ALMS1: variants seen among roughly 807,000 people sequenced by gnomAD.
ALMS1 encodes centrosome-associated protein ALMS1.
Under a neutral mutation model 352.2 loss-of-function variants are expected in ALMS1, and 271 were observed. The ratio of observed to expected loss-of-function variants is 0.77; its 90% CI spans 0.70 to 0.85. The LOEUF is 0.85. Among genes scored for constraint, ALMS1 ranks in the 40% least tolerant of loss-of-function variants. ALMS1 has a pLI of 0.00. For missense variants in ALMS1, 5,445 were observed against 4,870.7 expected (o/e 1.12, Z -3.51); for synonymous variants, 1,865 against 1,761.2 (o/e 1.06, Z -1.48).
At chr2:73,526,796 C>G (rs1476442466) in intron 11 of ALMS1, among the ~76,000 whole-genome samples, 1 of 152,144 alleles carries the variant, frequency 6.6e-6, no homozygotes, top group African/African-American at 2.4e-5. Context: ...GCTAGGACTT[C>G]CAGTGCTATG....
chr2:73,468,868 A>G (rs1419702816), intron 9 of ALMS1, among the ~76,000 whole-genome samples: 1 of 152,006 alleles, frequency 6.6e-6, no homozygotes, highest in African/African-American at 2.4e-5. Context: ...TACAAATTTT[A>G]TGTTCAGATA....
At chr2:73,433,464 T>C (rs1572920418) in intron 7 of ALMS1, among the ~76,000 whole-genome samples, 1 of 152,220 alleles carries the variant, frequency 6.6e-6, no homozygotes, top group East Asian at 1.9e-4. Context: ...AATAAGTTAC[T>C]GAGAGCACTA....
intron 9 of ALMS1, among the ~76,000 whole-genome samples, chr2:73,465,165 A>T (rs576331992): frequency 6.6e-6 from 1 of 152,308 alleles, no homozygotes; most frequent in South Asian, 2.1e-4. Context: ...ACCAAAAAAG[A>T]GCCTGCATCG....
At chr2:73,397,151 C>T (rs987299685) in intron 1 of ALMS1, among the ~76,000 whole-genome samples, 6 of 152,116 alleles carry the variant, frequency 3.9e-5, no homozygotes, top group Non-Finnish European at 7.3e-5. Flanking sequence ...GGTTTCCCTG[C>T]GGCTTTTAAT....
At chr2:73,584,335 A>G (rs1013599543) in intron 16 of ALMS1, among the ~76,000 whole-genome samples, 2 of 152,190 alleles carry the variant, frequency 1.3e-5, no homozygotes, top group Admixed American at 1.3e-4. Context: ...TAAGATCATG[A>G]GTTATTTTAC....
chr2:73,587,118 A>G (rs1194258722), intron 16 of ALMS1, among the ~76,000 whole-genome samples: 1 of 152,146 alleles, frequency 6.6e-6, no homozygotes, highest in Non-Finnish European at 1.5e-5. Context: ...ATTTGTGTAC[A>G]TTGATTTTGT....
chr2:73,455,191 G>A lies in ALMS1; in HGVS notation c.7570G>A (p.Asp2524Asn). The A allele has an allele frequency of 6.2e-7, 1 of 1,613,294 alleles. No homozygotes were observed. The highest frequency in any genetic ancestry group is 2.2e-5 in the East Asian group (1 of 44,870). ...GAATATGAAGTTCAATTTAGCACATGATTGTGGATACTCCATTTCAGAATT... is the reference window on the plus strand; with the variant it reads ...GAATATGAAGTTCAATTTAGCACATAATTGTGGATACTCCATTTCAGAATT... Reference protein sequence around the residue: ...AWNMKFNLAHDCGYSISELNE... With the variant: ...AWNMKFNLAHNCGYSISELNE... The change falls in exon 9 of 23, where the codon GAT (aspartate) becomes AAT (asparagine). Residue 2524 changes from aspartate (D) to asparagine (N), a missense_variant. Physicochemically the swap from Asp to Asn is conservative, Grantham distance 23. Coordinates refer to ENST00000613296, the MANE Select transcript of ALMS1 (RefSeq NM_001378454.1).
rs748833907 is a variant in ALMS1 at position 73,453,302 on chromosome 2, C to G, written c.6775C>G (p.Leu2259Val). 8 of 1,613,932 alleles carry G rather than the reference C, an allele frequency of 5.0e-6. No individual in the cohort carries two copies. The highest frequency in any genetic ancestry group is 5.1e-6 in the Non-Finnish European group (6 of 1,179,964). The change falls in exon 8 of 23, where the codon CTT becomes GTT. Residue 2259 changes from leucine to valine, a missense_variant. By Grantham distance (32) the Leu-to-Val change is conservative. Transcript: ENST00000613296. ...IQDAENSAKT[L>V]KEIRTLLMEA... ...GGATGCAGAAAATAGTGCTAAAACT[C>G]TTAAGGAAATTCGGACACTTTTGAT...
At chr2:73,429,480 A>G (rs1366689910) in intron 6 of ALMS1, among the ~76,000 whole-genome samples, 2 of 151,750 alleles carry the variant, frequency 1.3e-5, no homozygotes, top group South Asian at 2.1e-4. Flanking sequence ...ACGGGGTTTC[A>G]CCATGTTGGA....
At chr2:73,437,270 C>T (rs997216965) in intron 7 of ALMS1, among the ~76,000 whole-genome samples, 2 of 152,156 alleles carry the variant, frequency 1.3e-5, no homozygotes, top group African/African-American at 4.8e-5. Flanking sequence ...CATTGGTCTA[C>T]TTCTCTTGGA....
intron 9 of ALMS1, chr2:73,459,434 C>A (rs1467068841): frequency 6.6e-6 from 1 of 151,814 alleles, no homozygotes; most frequent in Non-Finnish European, 1.5e-5. Flanking sequence ...TTTATACTTG[C>A]CTGAATAATT....
chr2:73,493,528 G>A (rs1420821971), intron 10 of ALMS1, among the ~76,000 whole-genome samples: 2 of 152,062 alleles, frequency 1.3e-5, no homozygotes, highest in Non-Finnish European at 2.9e-5. Context: ...TTTGAGACCA[G>A]CATGATCAAC....
At chr2:73,445,434 C>G (rs764580385) in intron 7 of ALMS1, among the ~76,000 whole-genome samples, 20 of 152,128 alleles carry the variant, frequency 1.3e-4, no homozygotes, top group Non-Finnish European at 2.6e-4. Flanking sequence ...TTAGAGGGCT[C>G]AAAATGAGAG....
At chr2:73,506,547 CAA>C (rs1166673770) in intron 10 of ALMS1, among the ~76,000 whole-genome samples, 2 of 152,118 alleles carry the variant, frequency 1.3e-5, no homozygotes, top group African/African-American at 4.8e-5. Flanking sequence ...CTCTTTGTAG[CAA>C]TTGTGAATGG....
At chr2:73,461,505 A>G (rs1672201366) in intron 9 of ALMS1, among the ~76,000 whole-genome samples, 1 of 152,228 alleles carries the variant, frequency 6.6e-6, no homozygotes, top group South Asian at 2.1e-4. Context: ...AAAGATGCAG[A>G]AAAAACAGAG....
intron 15 of ALMS1, among the ~76,000 whole-genome samples, chr2:73,570,120 A>G (rs1366129045): frequency 6.6e-6 from 1 of 152,212 alleles, no homozygotes; most frequent in East Asian, 1.9e-4. Context: ...ACTATCAAGA[A>G]TAACTCCCAG....
chr2:73,590,158 A>G lies in ALMS1; in HGVS notation c.11548-9243A>G, dbSNP rs139150096. ...AATTTACAGTGCTTTCAACCAGAATACATTCGTTTGTTCATTCATCCAAAC... is the reference window on the plus strand; with the variant it reads ...AATTTACAGTGCTTTCAACCAGAATGCATTCGTTTGTTCATTCATCCAAAC... On this transcript the variant is annotated intron_variant, in intron 16 of 22. Coordinates refer to ENST00000613296, the MANE Select transcript of ALMS1 (RefSeq NM_001378454.1). Among the ~76,000 whole-genome samples, 148 of 152,306 alleles carry G rather than the reference A, an allele frequency of 9.7e-4. No homozygotes were observed. The East Asian group carries it at 0.024, about 24-fold the overall frequency.
chr2:73,602,343 T>G lies in ALMS1; in HGVS notation c.12273T>G (p.Asn4091Lys), dbSNP rs768140911. Residue 4091 changes from asparagine (N) to lysine (K), a missense_variant, in exon 20 of 23, where the codon AAT (asparagine) becomes AAG (lysine). Transcript: ENST00000613296. ...NIDRERQGHQ[N>K]RMCPLPKRVF... ...ACAGGGAACGGCAGGGCCACCAGAATCGCATGTGCCCGCTGCCCAAGAGAG... is the reference window on the plus strand; with the variant it reads ...ACAGGGAACGGCAGGGCCACCAGAAGCGCATGTGCCCGCTGCCCAAGAGAG... 7 of 1,614,028 alleles carry G rather than the reference T, an allele frequency of 4.3e-6. No individual in the cohort carries two copies. In the East Asian group the frequency reaches 1.6e-4, roughly 36 times the overall value.
Position 73,574,692 on chromosome 2 carries a change from A to G in ALMS1, c.11547+1268A>G, listed in dbSNP as rs149807936. Among the ~76,000 whole-genome samples, 1,489 of 152,306 alleles carry G rather than the reference A, an allele frequency of 9.8e-3. 11 individuals are homozygous for G. Among genetic ancestry groups the G allele is most frequent in the Non-Finnish European group, 0.015 (988 of 68,016 alleles). On this transcript the variant is annotated intron_variant, in intron 16 of 22. Coordinates refer to ENST00000613296, the MANE Select transcript of ALMS1 (RefSeq NM_001378454.1). ...GTAAGTGAAGAATTGGGAATGGTACAGAGTAAGGCTTTTGTTCCATAGGGG... is the reference window on the plus strand; with the variant it reads ...GTAAGTGAAGAATTGGGAATGGTACGGAGTAAGGCTTTTGTTCCATAGGGG...
Sources: allele counts gnomAD v4.1 joint callset (sites outside exome capture counted in the v4.1 genomes callset), GRCh38; gene constraint gnomAD v4.1.1; transcripts MANE v1.5; gene names NCBI Gene and HGNC (gene_info 2026-07-23, HGNC 2026-07-21).